Variants in CEP112 observed in about 807,000 individuals in gnomAD.
The protein encoded by CEP112 is centrosomal protein 112.
In CEP112, 127 loss-of-function variants were observed where a neutral mutation model predicts 153.0. The ratio of observed to expected loss-of-function variants is 0.83; its 90% CI spans 0.72 to 0.96. The LOEUF (loss-of-function observed/expected upper bound fraction) is 0.96. CEP112 is among the 40% of genes least tolerant of loss of function. The pLI is 0.00. For synonymous variants in CEP112, 358 were observed against 374.4 expected (o/e 0.96, Z 0.51); for missense variants, 1,089 against 1,101.2 (o/e 0.99, Z 0.16).
At chr17:65,828,262 T>G (rs1364084532) in intron 21 of CEP112, among the ~76,000 whole-genome samples, 1 of 152,246 alleles carries the variant, frequency 6.6e-6, no homozygotes, top group African/African-American at 2.4e-5. Context: ...TTTAGCACAG[T>G]GCATGCAAAT....
intron 17 of CEP112, among the ~76,000 whole-genome samples, chr17:65,995,207 C>A (rs1353977168): frequency 1.3e-5 from 2 of 152,044 alleles, no homozygotes; most frequent in East Asian, 3.9e-4. Context: ...TTCCCCATTC[C>A]TCTCGGAATT....
In CEP112 at chr17:65,706,365, G is replaced by A. The variant is rs9901395; in HGVS notation, c.2608-17147C>T. ...CTCAGGACACCCTGGTGCAGTCCCTGGAGCAGGACCTGGAATATGTGAAGG... is the reference window on the plus strand; with the variant it reads ...CTCAGGACACCCTGGTGCAGTCCCTAGAGCAGGACCTGGAATATGTGAAGG... On this transcript the variant is annotated intron_variant, in intron 23 of 26. Transcript: ENST00000535342. Among the ~76,000 whole-genome samples the A allele has an allele frequency of 2.8e-3, 432 of 152,278 alleles. 2 individuals carry two copies. The highest frequency in any genetic ancestry group is 0.01 in the African/African-American group (420 of 41,556).
chr17:65,888,663 G>A (rs2059366310), intron 20 of CEP112, among the ~76,000 whole-genome samples: 1 of 152,112 alleles, frequency 6.6e-6, no homozygotes, highest in Non-Finnish European at 1.5e-5. Flanking sequence ...ATCAAGAAAA[G>A]GGCAAGCAAG....
At chr17:66,085,960 A>G (rs934625109) in intron 8 of CEP112, among the ~76,000 whole-genome samples, 1 of 142,782 alleles carries the variant, frequency 7.0e-6, no homozygotes, top group African/African-American at 2.6e-5. Flanking sequence ...CTGGGTGACG[A>G]CAGAGCGAGA....
intron 20 of CEP112, among the ~76,000 whole-genome samples, chr17:65,882,713 C>T (rs770638098): frequency 1.3e-5 from 2 of 152,124 alleles, no homozygotes; most frequent in Non-Finnish European, 1.5e-5. Context: ...TAAGTATAGG[C>T]TTATGTTATA....
rs112420197 is a variant in CEP112 at position 65,703,071 on chromosome 17, G to A, written c.2608-13853C>T. On this transcript the variant is annotated intron_variant, in intron 23 of 26. Coordinates refer to ENST00000535342, the MANE Select transcript of CEP112 (RefSeq NM_001199165.4). ...GGTTCATTGCTATCTGTAGTTTCAAGCAACCACTGGGATCTTGGAATGGAA... is the reference window on the plus strand; with the variant it reads ...GGTTCATTGCTATCTGTAGTTTCAAACAACCACTGGGATCTTGGAATGGAA... 9.3e-4 allele frequency among the ~76,000 whole-genome samples: 141 copies of A among 152,274 alleles called. 1 individual carries two copies. Among genetic ancestry groups the A allele is most frequent in the African/African-American group, 3.2e-3 (135 of 41,548 alleles).
intron 6 of CEP112, among the ~76,000 whole-genome samples, chr17:66,107,096 C>T (rs150428665): frequency 2.4e-4 from 37 of 152,120 alleles, no homozygotes; most frequent in African/African-American, 8.2e-4. Context: ...ATTCAGCGTC[C>T]CTTCATGATA....
intron 23 of CEP112, among the ~76,000 whole-genome samples, chr17:65,739,010 C>T (rs2050965059): frequency 6.6e-6 from 1 of 152,234 alleles, no homozygotes; most frequent in Admixed American, 6.5e-5. Flanking sequence ...CTTTGTGACT[C>T]TTCCTAGGGC....
At chr17:65,870,371 T>C (rs566069061) in intron 20 of CEP112, among the ~76,000 whole-genome samples, 1 of 152,110 alleles carries the variant, frequency 6.6e-6, no homozygotes, top group Non-Finnish European at 1.5e-5. Context: ...TAGGTTAAGT[T>C]AAAACTAAAA....
intron 24 of CEP112, among the ~76,000 whole-genome samples, chr17:65,666,773 A>C (rs1489414738): frequency 2.0e-5 from 3 of 152,070 alleles, no homozygotes; most frequent in African/African-American, 7.3e-5. Context: ...TTGATAATTA[A>C]AGAAAAAAAA....
chr17:65,974,152 C>T (rs1439365231), intron 17 of CEP112, among the ~76,000 whole-genome samples: 1 of 152,008 alleles, frequency 6.6e-6, no homozygotes, highest in Non-Finnish European at 1.5e-5. Context: ...TCACAACTCA[C>T]TGCAGCCTCA....
chr17:66,114,025 C>T (rs568922726), intron 6 of CEP112, among the ~76,000 whole-genome samples: 2 of 152,194 alleles, frequency 1.3e-5, no homozygotes, highest in East Asian at 1.9e-4. Flanking sequence ...AAAAAGAATA[C>T]CACAATAAAT....
chr17:65,656,407 C>G (rs1187630887), intron 24 of CEP112, among the ~76,000 whole-genome samples: 2 of 152,208 alleles, frequency 1.3e-5, no homozygotes, highest in Non-Finnish European at 2.9e-5. Flanking sequence ...CTGTCACTTG[C>G]AACCCAAACG....
At chr17:65,967,491 C>A (rs141695847) in intron 17 of CEP112, among the ~76,000 whole-genome samples, 51 of 152,208 alleles carry the variant, frequency 3.4e-4, no homozygotes, top group African/African-American at 1.2e-3. Context: ...AAGTGTAAAA[C>A]ATGGTTCCTA....
chr17:66,061,501 A>T (rs1214779526), intron 11 of CEP112, among the ~76,000 whole-genome samples: 2 of 152,090 alleles, frequency 1.3e-5, no homozygotes, highest in Non-Finnish European at 2.9e-5. Flanking sequence ...CATTATTCAC[A>T]ATAGTCAAGA....
chr17:66,078,205 C>G (rs920705924), intron 8 of CEP112, among the ~76,000 whole-genome samples: 1 of 150,600 alleles, frequency 6.6e-6, no homozygotes, highest in Admixed American at 6.6e-5. Flanking sequence ...TTTCTAGGTC[C>G]TCTATTCTGC....
At chr17:66,055,832 T>TAC (rs1568439357) in intron 11 of CEP112, among the ~76,000 whole-genome samples, 7 of 152,186 alleles carry the variant, frequency 4.6e-5, no homozygotes, top group African/African-American at 1.4e-4. Flanking sequence ...GGCTGATGTG[T>TAC]TTGAGGACTA....
At chr17:66,076,592 T>A (rs1415147132) in intron 8 of CEP112, among the ~76,000 whole-genome samples, 1 of 152,110 alleles carries the variant, frequency 6.6e-6, no homozygotes, top group East Asian at 1.9e-4. Context: ...TGCCTAGCCC[T>A]GCCCCCACCT....
chr17:65,870,014 T>TAAGAAAGAAAGAAAGAAAGAAAGAAAGA (rs754013580), intron 20 of CEP112, among the ~76,000 whole-genome samples: 16 of 44,674 alleles, frequency 3.6e-4, no homozygotes, highest in South Asian at 7.9e-4. Flanking sequence ...AGGTAGAGAA[T>TAAGAAAGAAAGAAAGAAAGAAAGAAAGA]AAGAAAGAAA....
Sources: gnomAD v4.1 joint callset for allele counts (sites outside exome capture counted in the v4.1 genomes callset) on GRCh38, gnomAD v4.1.1 for gene constraint, MANE v1.5 for transcripts, NCBI Gene and HGNC (gene_info 2026-07-23, HGNC 2026-07-21) for gene names.